NELL1: variants seen among roughly 807,000 people sequenced by gnomAD.
NELL1 encodes the protein neural EGFL like 1.
Under a neutral mutation model 107.4 loss-of-function variants are expected in NELL1, and 76 were observed. That is an observed-to-expected ratio of 0.71 (90% CI 0.59 to 0.86). The LOEUF (loss-of-function observed/expected upper bound fraction) is 0.86, where lower values mean the gene tolerates loss of function less well. NELL1 is among the 40% of genes least tolerant of loss of function. The pLI, the probability that NELL1 is intolerant of heterozygous loss-of-function variation, is 0.00. For missense variants in NELL1, 1,024 were observed against 1,005.5 expected, an observed-to-expected ratio of 1.02 and a Z score of -0.25; for synonymous variants, 353 against 341.2, an observed-to-expected ratio of 1.03 and a Z score of -0.38.
At chr11:21,232,157 A>ATATATATATATATAT (rs1284072980) in intron 14 of NELL1, among the ~76,000 whole-genome samples, 2 of 51,040 alleles carry the variant, frequency 3.9e-5, no homozygotes, top group African/African-American at 1.6e-4. Context: ...TAAAAAAAAA[A>ATATATATATATATAT]AAATATATAT....
intron 2 of NELL1, among the ~76,000 whole-genome samples, chr11:20,691,616 G>T (rs1252099738): frequency 1.3e-5 from 2 of 152,044 alleles, no homozygotes; most frequent in East Asian, 1.9e-4. Flanking sequence ...AACCAGCCTT[G>T]CATCCCAGGG....
chr11:20,708,155 A>T (rs1855019723), intron 2 of NELL1, among the ~76,000 whole-genome samples: 1 of 152,196 alleles, frequency 6.6e-6, no homozygotes, highest in Admixed American at 6.5e-5. Context: ...CAGGCACAGG[A>T]TATAATCTCC....
In NELL1 at chr11:21,141,207, T is replaced by C. The variant is rs111537499; in HGVS notation, c.1426+27493T>C. Among the ~76,000 whole-genome samples the C allele has an allele frequency of 4.6e-5, 7 of 152,238 alleles. No individual in the cohort carries two copies. The South Asian group carries it at 1.0e-3, about 23-fold the overall frequency. ...AACTAAGTGATCTTGACAATCAAAT[T>C]TGAGATCTCAAGTGCAAAAGAAATA... is the stretch of plus-strand genomic sequence containing the variant. On this transcript the variant is annotated intron_variant, in intron 13 of 19. Coordinates refer to ENST00000357134, the MANE Select transcript of NELL1 (RefSeq NM_006157.5).
intron 9 of NELL1, among the ~76,000 whole-genome samples, chr11:20,929,690 G>C (rs1032797566): frequency 2.0e-5 from 3 of 152,030 alleles, no homozygotes; most frequent in African/African-American, 7.2e-5. Context: ...AACTATTAGG[G>C]GCCAAGCACA....
intron 12 of NELL1, among the ~76,000 whole-genome samples, chr11:21,055,400 A>T (rs1185231391): frequency 6.6e-6 from 1 of 152,118 alleles, no homozygotes; most frequent in African/African-American, 2.4e-5. Flanking sequence ...TTAGATTTAT[A>T]AATAGTTTTG....
At chr11:21,481,394 T>C (rs986359724) in intron 15 of NELL1, among the ~76,000 whole-genome samples, 34 of 152,158 alleles carry the variant, frequency 2.2e-4, no homozygotes, top group African/African-American at 7.7e-4. Flanking sequence ...AGGAGATGGA[T>C]TCTTTAATCT....
chr11:21,396,151 T>C (rs1365170990), intron 15 of NELL1, among the ~76,000 whole-genome samples: 1 of 151,504 alleles, frequency 6.6e-6, no homozygotes. Flanking sequence ...CCATACCCTG[T>C]GAACTTGCTC....
chr11:21,249,394 GT>G (rs934060586), intron 14 of NELL1, among the ~76,000 whole-genome samples: 7 of 149,362 alleles, frequency 4.7e-5, no homozygotes, highest in African/African-American at 9.9e-5. Context: ...TTGAAAGAAG[GT>G]TTTTTTTTCT....
intron 13 of NELL1, among the ~76,000 whole-genome samples, chr11:21,137,285 C>CTGG (rs1855764437): frequency 6.6e-6 from 1 of 152,042 alleles, no homozygotes; most frequent in Admixed American, 6.6e-5. Context: ...ATGTAGAGAC[C>CTGG]TGGAGGTGGA....
intron 15 of NELL1, among the ~76,000 whole-genome samples, chr11:21,480,987 G>A (rs371538732): frequency 4.6e-5 from 7 of 152,170 alleles, no homozygotes; most frequent in South Asian, 4.2e-4. Flanking sequence ...TCACTTAACC[G>A]GATTACTAGT....
intron 2 of NELL1, among the ~76,000 whole-genome samples, chr11:20,732,567 T>G (rs182080620): frequency 4.1e-4 from 62 of 152,256 alleles, no homozygotes; most frequent in African/African-American, 1.3e-3. Context: ...GGAGATCATT[T>G]GGGGCTGGCA....
At chr11:20,771,693 T>C (rs1242213866) in intron 2 of NELL1, among the ~76,000 whole-genome samples, 1 of 152,192 alleles carries the variant, frequency 6.6e-6, no homozygotes, top group Non-Finnish European at 1.5e-5. Flanking sequence ...GGGAAAAATC[T>C]ATCTGGTGCT....
chr11:21,428,966 A>G (rs1429834222), intron 15 of NELL1, among the ~76,000 whole-genome samples: 1 of 152,186 alleles, frequency 6.6e-6, no homozygotes, highest in Non-Finnish European at 1.5e-5. Flanking sequence ...GTATGTGGGT[A>G]GTAATGGCCT....
At chr11:21,270,173 C>A (rs1848712916) in intron 14 of NELL1, among the ~76,000 whole-genome samples, 2 of 151,882 alleles carry the variant, frequency 1.3e-5, no homozygotes, top group Admixed American at 1.3e-4. Flanking sequence ...GAAAAGAAAG[C>A]AGTAATAAAT....
At chr11:20,897,577 T>G (rs1849769344) in intron 5 of NELL1, among the ~76,000 whole-genome samples, 1 of 152,016 alleles carries the variant, frequency 6.6e-6, no homozygotes, top group African/African-American at 2.4e-5. Flanking sequence ...GGGATCTAAT[T>G]AAACTAAAGA....
intron 16 of NELL1, among the ~76,000 whole-genome samples, chr11:21,556,935 T>C (rs527726804): frequency 6.6e-6 from 1 of 151,904 alleles, no homozygotes; most frequent in South Asian, 2.1e-4. Flanking sequence ...CTGTTTGTCA[T>C]TGGGAGGCCT....
chr11:20,833,871 G>A (rs1858066518), intron 3 of NELL1, among the ~76,000 whole-genome samples: 1 of 152,170 alleles, frequency 6.6e-6, no homozygotes, highest in Non-Finnish European at 1.5e-5. Context: ...TTGGTGTGTA[G>A]AGGGCAAGAT....
chr11:20,862,605 C>CTTTT (rs386373288), intron 4 of NELL1, among the ~76,000 whole-genome samples: 982 of 94,600 alleles, frequency 0.01, 34 homozygotes, highest in African/African-American at 0.031. Flanking sequence ...TGAGCTGCTG[C>CTTTT]TTTTTTTTTT....
chr11:21,543,056 C>G lies in NELL1; in HGVS notation c.1786+8542C>G, dbSNP rs376394801. 7.9e-5 allele frequency among the ~76,000 whole-genome samples: 12 copies of G among 151,942 alleles called. 1 individual carries two copies. The highest frequency in any genetic ancestry group is 2.9e-4 in the African/African-American group (12 of 41,486). The stretch of plus-strand genomic sequence containing the variant: ...AGGGTGGAAAAGCACCTTAGTGGAC[C>G]AGGGTATTTCAGACTAAGAAAGTTT... On this transcript the variant is annotated intron_variant, in intron 16 of 19. Transcript: ENST00000357134.
Sources: allele counts gnomAD v4.1 joint callset (sites outside exome capture counted in the v4.1 genomes callset), GRCh38; gene constraint gnomAD v4.1.1; transcripts MANE v1.5; gene names NCBI Gene and HGNC (gene_info 2026-07-23, HGNC 2026-07-21).